SULF1: variants seen among roughly 807,000 people sequenced by gnomAD.
The protein encoded by SULF1 is sulfatase 1, also known as extracellular sulfatase Sulf-1.
SULF1 carries 46 observed loss-of-function variants against 110.5 expected under a neutral mutation model. The ratio of observed to expected loss-of-function variants is 0.42; its 90% CI spans 0.33 to 0.53. The LOEUF is 0.53. SULF1 is among the 20% of genes least tolerant of loss of function. SULF1 has a pLI of 0.12. For missense variants in SULF1, 941 were observed against 1,094.2 expected (o/e 0.86, Z 1.98); for synonymous variants, 371 against 387.1 (o/e 0.96, Z 0.49).
At chr8:69,600,816 C>T (rs1257395867) in intron 9 of SULF1, 63 bp downstream of exon 9, 2 of 1,517,718 alleles carry the variant, frequency 1.3e-6, no homozygotes, top group Non-Finnish European at 1.8e-6. Flanking sequence ...TAGACTTATT[C>T]TTGCCAATCC....
intron 3 of SULF1, among the ~76,000 whole-genome samples, chr8:69,538,324 A>AT (rs1386343080): frequency 1.5e-5 from 2 of 129,066 alleles, no homozygotes; most frequent in African/African-American, 6.0e-5. Flanking sequence ...CATGCTTCTC[A>AT]TCCCGTCCTT....
At chr8:69,576,282 G>A in intron 6 of SULF1, 73 bp downstream of exon 6, 2 of 1,502,476 alleles carry the variant, frequency 1.3e-6, no homozygotes, top group Non-Finnish European at 1.8e-6. Flanking sequence ...GTCATGTAAT[G>A]AAATGCATGA....
chr8:69,562,627 G>C lies in SULF1; in HGVS notation c.-133-912G>C, dbSNP rs533920989. Among the ~76,000 whole-genome samples the C allele has an allele frequency of 2.6e-5, 4 of 152,290 alleles. No individual in the cohort carries two copies. The South Asian group carries it at 6.2e-4, about 24-fold the overall frequency. On this transcript the variant is annotated intron_variant, in intron 3 of 22. Coordinates refer to ENST00000402687, the MANE Select transcript of SULF1 (RefSeq NM_001128205.2). ...AGCAGGTTAGTGTTCCAAAGTGAGAGGGGCATTTTTCCAACCCTTTCAAAA... is the reference window on the plus strand; with the variant it reads ...AGCAGGTTAGTGTTCCAAAGTGAGACGGGCATTTTTCCAACCCTTTCAAAA...
At chr8:69,539,846 C>T (rs1443022428) in intron 3 of SULF1, among the ~76,000 whole-genome samples, 4 of 152,150 alleles carry the variant, frequency 2.6e-5, no homozygotes, top group Non-Finnish European at 5.9e-5. Flanking sequence ...CAGACAGCTG[C>T]AGGTTCATGA....
intron 6 of SULF1, among the ~76,000 whole-genome samples, chr8:69,585,015 T>C (rs933205812): frequency 6.6e-6 from 1 of 152,248 alleles, no homozygotes; most frequent in Non-Finnish European, 1.5e-5. Context: ...TTACCATGGA[T>C]ATAAGCGAGG....
At chr8:69,624,744 C>T (rs535905267) in intron 15 of SULF1, among the ~76,000 whole-genome samples, 3 of 152,148 alleles carry the variant, frequency 2.0e-5, no homozygotes, top group Non-Finnish European at 4.4e-5. Flanking sequence ...TAACCAGTCC[C>T]GGATCACAGA....
At chr8:69,640,062 C>T (rs979889213) in intron 21 of SULF1, among the ~76,000 whole-genome samples, 1 of 140,284 alleles carries the variant, frequency 7.1e-6, no homozygotes, top group African/African-American at 2.7e-5. Flanking sequence ...TTCCTCAAAT[C>T]TTACAAAAAA....
At chr8:69,469,426 C>A (rs1389465080) in intron 1 of SULF1, 2 of 152,180 alleles carry the variant, frequency 1.3e-5, no homozygotes, top group Non-Finnish European at 2.9e-5. Flanking sequence ...GAAAAGTGAT[C>A]TGAAAGCTTG....
chr8:69,534,389 T>C (rs900544195), intron 3 of SULF1, among the ~76,000 whole-genome samples: 19 of 152,342 alleles, frequency 1.2e-4, no homozygotes, highest in African/African-American at 4.6e-4. Context: ...GGTGAGTTAG[T>C]ATTAACTCCG....
At chr8:69,657,892 T>C (rs1812847510) in intron 22 of SULF1, among the ~76,000 whole-genome samples, 1 of 152,200 alleles carries the variant, frequency 6.6e-6, no homozygotes, top group Admixed American at 6.5e-5. Flanking sequence ...GTCATTCAGT[T>C]ATCTAAGGCA....
At chr8:69,569,710 T>C (rs1230932695) in intron 5 of SULF1, among the ~76,000 whole-genome samples, 2 of 152,222 alleles carry the variant, frequency 1.3e-5, no homozygotes, top group African/African-American at 4.8e-5. Context: ...GCATGTTAAC[T>C]TCCATTCCTG....
chr8:69,637,576 TG>T (rs1203974345), intron 19 of SULF1: 1 of 153,988 alleles, frequency 6.5e-6, no homozygotes, highest in Non-Finnish European at 1.4e-5. Context: ...TATTGAAGAA[TG>T]TATTCCAATA....
chr8:69,653,382 G>A (rs10216800), intron 22 of SULF1, among the ~76,000 whole-genome samples: 60,852 of 152,020 alleles, frequency 0.4, 12,437 homozygotes, highest in African/African-American at 0.47. Context: ...TTAATTTTGT[G>A]TATTTCAACG....
intron 13 of SULF1, among the ~76,000 whole-genome samples, chr8:69,608,646 T>C (rs1808410119): frequency 6.6e-6 from 1 of 151,910 alleles, no homozygotes; most frequent in South Asian, 2.1e-4. Flanking sequence ...GATTTTACCA[T>C]TGCACTCCAG....
Position 69,591,330 on chromosome 8 carries a change from G to A in SULF1, c.734+2189G>A, listed in dbSNP as rs1041764904. ...AGCACTTTGGGAGGCCGAGGCGGGC[G>A]GATCACGAGGTCAAGAGATCAAGAC... On this transcript the variant is annotated intron_variant, in intron 8 of 22. Transcript: ENST00000402687. Among the ~76,000 whole-genome samples the A allele has an allele frequency of 8.5e-5, 13 of 152,060 alleles. No individual in the cohort carries two copies. The East Asian group carries it at 1.4e-3, about 16-fold the overall frequency.
At chr8:69,577,551 AC>A (rs1407659549) in intron 6 of SULF1, among the ~76,000 whole-genome samples, 30 of 152,092 alleles carry the variant, frequency 2.0e-4, no homozygotes, top group Admixed American at 1.9e-3. Context: ...AACGATTGGG[AC>A]TCTCACATAT....
At chr8:69,502,952 G>T (rs1168009155) in intron 3 of SULF1, among the ~76,000 whole-genome samples, 1 of 151,940 alleles carries the variant, frequency 6.6e-6, no homozygotes, top group African/African-American at 2.4e-5. Context: ...CTCCTAAATG[G>T]CCGGGATTAT....
intron 3 of SULF1, among the ~76,000 whole-genome samples, chr8:69,526,437 C>T (rs1812666101): frequency 6.6e-6 from 1 of 151,832 alleles, no homozygotes; most frequent in Non-Finnish European, 1.5e-5. Flanking sequence ...AAAAAATCTT[C>T]CATTTCAAAA....
chr8:69,625,921 G>A (rs578258922), intron 15 of SULF1: 1 of 152,326 alleles, frequency 6.6e-6, no homozygotes, highest in South Asian at 2.1e-4. Flanking sequence ...TACAATCCCT[G>A]AGCTAGATAC....
Sources: allele counts gnomAD v4.1 joint callset (sites outside exome capture counted in the v4.1 genomes callset), GRCh38; gene constraint gnomAD v4.1.1; transcripts MANE v1.5; gene names NCBI Gene and HGNC (gene_info 2026-07-23, HGNC 2026-07-21).